RPIA: variants seen among roughly 807,000 people sequenced by gnomAD.
RPIA encodes ribose-5-phosphate isomerase.
A neutral mutation model predicts 37.8 loss-of-function variants in RPIA; 29 were observed. The ratio of observed to expected loss-of-function variants is 0.77; its 90% confidence interval spans 0.57 to 1.05. The LOEUF (loss-of-function observed/expected upper bound fraction) is 1.05. RPIA is among the 50% of genes least tolerant of loss of function. The pLI is 0.00. For synonymous variants in RPIA, 167 were observed against 157.0 expected, an observed-to-expected ratio of 1.06 and a Z score of -0.48; for missense variants, 385 against 413.6, an observed-to-expected ratio of 0.93 and a Z score of 0.60.
intron 3 of RPIA, among the ~76,000 whole-genome samples, chr2:88,727,535 C>T (rs917458574): frequency 2.0e-5 from 3 of 152,146 alleles, no homozygotes; most frequent in South Asian, 2.1e-4. Context: ...TTTCCCTGAT[C>T]GTCTCCTTCC....
At chr2:88,707,995 T>TG (rs1355080789) in intron 3 of RPIA, among the ~76,000 whole-genome samples, 4 of 152,204 alleles carry the variant, frequency 2.6e-5, no homozygotes, top group African/African-American at 9.6e-5. Context: ...TTCTTGATAT[T>TG]GAAAAAATGT....
chr2:88,729,404 T>A, intron 4 of RPIA, 67 bp downstream of exon 4: 1 of 1,414,940 alleles, frequency 7.1e-7, no homozygotes, highest in South Asian at 1.2e-5. Flanking sequence ...TGTCACTTGT[T>A]CATGGGCTCC....
intron 3 of RPIA, among the ~76,000 whole-genome samples, chr2:88,711,257 C>T (rs1267996139): frequency 6.6e-6 from 1 of 152,172 alleles, no homozygotes; most frequent in Non-Finnish European, 1.5e-5. Context: ...TCAAAGAAAC[C>T]ACCGCAAGGT....
intron 3 of RPIA, among the ~76,000 whole-genome samples, chr2:88,703,525 G>A (rs994175360): frequency 2.6e-5 from 4 of 152,234 alleles, no homozygotes; most frequent in Non-Finnish European, 4.4e-5. Flanking sequence ...GCTACAGCCC[G>A]AGCTCTACAT....
At chr2:88,698,639 C>A in intron 2 of RPIA, 95 bp downstream of exon 2, 1 of 1,140,788 alleles carries the variant, frequency 8.8e-7, no homozygotes, top group Non-Finnish European at 1.3e-6. Context: ...TTTGGCATTG[C>A]CCTTTTGGCT....
At chr2:88,701,604 CT>C (rs1217583593) in intron 3 of RPIA, among the ~76,000 whole-genome samples, 1 of 108 alleles carries the variant, frequency 9.3e-3, no homozygotes, top group Middle Eastern at 0.25. Flanking sequence ...ACTTTTAGCT[CT>C]TTTAGGTGAT....
intron 1 of RPIA, among the ~76,000 whole-genome samples, chr2:88,697,388 C>T (rs78551225): frequency 0.033 from 5,082 of 152,296 alleles, 255 homozygotes; most frequent in African/African-American, 0.12. Flanking sequence ...TGGTAGCTGC[C>T]GCTTTGGTGT....
At chr2:88,735,165 AG>A (rs1358214237) in intron 5 of RPIA, among the ~76,000 whole-genome samples, 1 of 152,196 alleles carries the variant, frequency 6.6e-6, no homozygotes. Flanking sequence ...ACTGTTTATT[AG>A]ATTTTCTTAC....
At chr2:88,706,365 A>C (rs1406199840) in intron 3 of RPIA, among the ~76,000 whole-genome samples, 1 of 152,204 alleles carries the variant, frequency 6.6e-6, no homozygotes, top group Non-Finnish European at 1.5e-5. Context: ...ATAGAATACT[A>C]TGCAGCCATA....
intron 3 of RPIA, among the ~76,000 whole-genome samples, chr2:88,706,940 C>T (rs1349438145): frequency 6.6e-6 from 1 of 152,146 alleles, no homozygotes; most frequent in African/African-American, 2.4e-5. Context: ...GGTGCTAATG[C>T]TGTAAGAGTA....
rs6741143 is a variant in RPIA, at chr2:88,711,068, T to C, written c.402+11004T>C. On this transcript the variant is annotated intron_variant, in intron 3 of 8. Coordinates refer to ENST00000283646, the MANE Select transcript of RPIA (RefSeq NM_144563.3). ...AGCTCTTTGGAACCACTACATGTCA[T>C]GAGGAATCTCCTCTGACCCTTCCGC... Among the ~76,000 whole-genome samples the C allele has an allele frequency of 8.1e-3, 1,238 of 152,358 alleles. 17 individuals are homozygous for C. Among genetic ancestry groups the C allele is most frequent in the African/African-American group, 0.029 (1,195 of 41,590 alleles).
intron 3 of RPIA, among the ~76,000 whole-genome samples, chr2:88,705,700 A>G (rs1020444000): frequency 1.3e-5 from 2 of 152,230 alleles, no homozygotes; most frequent in East Asian, 1.9e-4. Flanking sequence ...ACAAAAACCA[A>G]TATTGACAAA....
Position 88,750,617 on chromosome 2 carries a change from CTG to C in RPIA, c.*542_*543del, listed in dbSNP as rs1673494662. 7.4e-6 allele frequency: 3 copies of C among 405,360 alleles called. No individual in the cohort carries two copies. The highest frequency in any genetic ancestry group is 1.1e-4 in the South Asian group (1 of 8,862). The allele number at this position is 405,360 out of a possible 1,614,324, so 25.1% of individuals were successfully genotyped here. A position where few individuals can be genotyped will look rare whatever the true frequency, so the allele number is the denominator to read the frequency against. ...ACATCTTAAGATCAGGTTTATAAAACTGTGGAGTGGAGCGGTATGGTATGGAA... is the reference window on the plus strand; with the variant it reads ...ACATCTTAAGATCAGGTTTATAAAACTGGAGTGGAGCGGTATGGTATGGAA... On this transcript the variant is annotated 3_prime_UTR_variant, in exon 9 of 9. Coordinates refer to ENST00000283646, the MANE Select transcript of RPIA (RefSeq NM_144563.3).
chr2:88,740,996 C>T (rs959387853), intron 8 of RPIA, among the ~76,000 whole-genome samples: 1 of 152,074 alleles, frequency 6.6e-6, no homozygotes, highest in African/African-American at 2.4e-5. Context: ...GTTGGCTTTT[C>T]GTCACTCGAT....
At chr2:88,747,191 G>A (rs1673447947) in intron 8 of RPIA, among the ~76,000 whole-genome samples, 1 of 152,094 alleles carries the variant, frequency 6.6e-6, no homozygotes, top group African/African-American at 2.4e-5. Flanking sequence ...GGGGATTATG[G>A]CTGCCTCTTC....
intron 3 of RPIA, among the ~76,000 whole-genome samples, chr2:88,711,458 C>T (rs1672961573): frequency 6.6e-6 from 1 of 152,196 alleles, no homozygotes; most frequent in Non-Finnish European, 1.5e-5. Flanking sequence ...TTATTATCTA[C>T]AGACCTGGAA....
chr2:88,729,178 C>T, intron 3 of RPIA, 100 bp from the exon 4 acceptor site: 3 of 1,269,838 alleles, frequency 2.4e-6, no homozygotes, highest in Non-Finnish European at 3.4e-6. Context: ...TGGGAGAGAG[C>T]CTGGGTAGGA....
At chr2:88,699,637 C>T (rs1426108777) in intron 2 of RPIA, among the ~76,000 whole-genome samples, 2 of 152,156 alleles carry the variant, frequency 1.3e-5, no homozygotes, top group African/African-American at 4.8e-5. Context: ...TACCGAGTTA[C>T]ATTACCTCTC....
intron 3 of RPIA, among the ~76,000 whole-genome samples, chr2:88,714,655 C>G (rs555248374): frequency 6.6e-6 from 1 of 152,290 alleles, no homozygotes; most frequent in South Asian, 2.1e-4. Flanking sequence ...TGCATGGCTA[C>G]CCATGGCCTG....
Sources: allele counts gnomAD v4.1 joint callset (sites outside exome capture counted in the v4.1 genomes callset), GRCh38; gene constraint gnomAD v4.1.1; transcripts MANE v1.5; gene names NCBI Gene and HGNC (gene_info 2026-07-23, HGNC 2026-07-21).